Variants in TRIM5 observed in about 807,000 individuals in gnomAD.
The protein encoded by TRIM5 is tripartite motif containing 5.
TRIM5 carries 31 observed loss-of-function variants against 35.6 expected under a neutral mutation model. That is an observed-to-expected ratio of 0.87 (90% CI 0.65 to 1.18). TRIM5 has a LOEUF of 1.18. TRIM5 is among the 50% of genes most tolerant of loss of function. The probability of loss-of-function intolerance (pLI) is 0.00; values close to 1 mark genes in which losing one functional copy is unlikely to be tolerated. For missense variants in TRIM5, 609 were observed against 591.6 expected, an observed-to-expected ratio of 1.03 and a Z score of -0.31; for synonymous variants, 243 against 215.6, an observed-to-expected ratio of 1.13 and a Z score of -1.11.
chr11:5,611,026 A>G, the TRIM5 span: 1 of 1,614,092 alleles, frequency 6.2e-7, no homozygotes, highest in South Asian at 1.1e-5. Flanking sequence ...TCTTTCAACC[A>G]TTTTGCTCAA....
At chr11:5,618,916 A>AGT in the TRIM5 span, among the ~76,000 whole-genome samples, 1 of 152,262 alleles carries the variant, frequency 6.6e-6, no homozygotes, top group Non-Finnish European at 1.5e-5. Flanking sequence ...GGGAAACATC[A>AGT]GTGTAGCATG....
At position 5,664,581 on chromosome 11, in the gene TRIM5, A is replaced by C; in HGVS notation, c.*228T>G. On this transcript the variant is annotated 3_prime_UTR_variant, in exon 8 of 8. Transcript: ENST00000380034. ...TATGAGGTATAGGTCAGTTTTCCTT[A>C]GGAGTACGGAAAATGATGAAAAAAA... 1 of 1,273,442 alleles carries C rather than the reference A, an allele frequency of 7.9e-7. No individual in the cohort carries two copies. Among genetic ancestry groups the C allele is most frequent in the Non-Finnish European group, 9.9e-7 (1 of 1,011,334 alleles). The allele number at this position is 1,273,442 out of a possible 1,614,324, so 78.9% of individuals were successfully genotyped here. A position where few individuals can be genotyped will look rare whatever the true frequency, so the allele number is the denominator to read the frequency against.
the TRIM5 span, among the ~76,000 whole-genome samples, chr11:5,606,363 C>G: frequency 6.6e-6 from 1 of 152,142 alleles, no homozygotes; most frequent in South Asian, 2.1e-4. Context: ...GAAATTCTAG[C>G]AGCTATTTTC....
chr11:5,648,454 C>T, the TRIM5 span, among the ~76,000 whole-genome samples: 3 of 150,884 alleles, frequency 2.0e-5, no homozygotes, highest in Non-Finnish European at 4.4e-5. Context: ...TGCAGTGAGC[C>T]GAGATCGCGC....
downstream of TRIM5, chr11:5,663,061 G>C (rs1002033753): frequency 9.5e-6 from 2 of 209,642 alleles, no homozygotes; most frequent in African/African-American, 4.7e-5. Flanking sequence ...GGAGATGGAG[G>C]TTGCAGTGAG....
chr11:5,610,118 G>T, the TRIM5 span: 1 of 1,613,130 alleles, frequency 6.2e-7, no homozygotes, highest in Non-Finnish European at 8.5e-7. Context: ...CAGCAGTGTG[G>T]GAACTCAGAA....
the TRIM5 span, among the ~76,000 whole-genome samples, chr11:5,640,478 G>C: frequency 6.6e-6 from 1 of 151,068 alleles, no homozygotes; most frequent in African/African-American, 2.5e-5. Flanking sequence ...GCATTTCTGG[G>C]ATAAATTCTA....
At chr11:5,611,548 G>A in the TRIM5 span, 85 of 504,626 alleles carry the variant, frequency 1.7e-4, no homozygotes, top group Non-Finnish European at 2.6e-4. Flanking sequence ...CTGCCTCCTG[G>A]GTTCAAGCGA....
At chr11:5,639,435 C>G in the TRIM5 span, among the ~76,000 whole-genome samples, 1 of 151,980 alleles carries the variant, frequency 6.6e-6, no homozygotes, top group Non-Finnish European at 1.5e-5. Flanking sequence ...AATCCCAGCA[C>G]TTTGGGAGAC....
chr11:5,615,819 C>G, the TRIM5 span, among the ~76,000 whole-genome samples: 1 of 152,054 alleles, frequency 6.6e-6, no homozygotes, highest in Non-Finnish European at 1.5e-5. Flanking sequence ...TCTCGAACTC[C>G]TGACCTCAGG....
Position 5,663,367 on chromosome 11 carries a change from ATG to A in TRIM5, c.*1440_*1441del, listed in dbSNP as rs1359145296. 4.3e-5 allele frequency: 41 copies of A among 961,748 alleles called. No homozygotes were observed. The highest frequency in any genetic ancestry group is 4.9e-5 in the Non-Finnish European group (40 of 808,514). 59.6% of individuals were successfully genotyped at this position (961,748 alleles called of 1,614,324 possible). A position where few individuals can be genotyped will look rare whatever the true frequency, so the allele number is the denominator to read the frequency against. Reference sequence around the variant, plus strand: ...AGAATTACAATAAAATCCTAAATATATGTGTGTATTATATATAGAAGGCAGAA... The same window carrying A: ...AGAATTACAATAAAATCCTAAATATATGTGTATTATATATAGAAGGCAGAA... On this transcript the variant is annotated 3_prime_UTR_variant, in exon 8 of 8. Coordinates refer to ENST00000380034, the MANE Select transcript of TRIM5 (RefSeq NM_033034.3).
intron 4 of TRIM5, among the ~76,000 whole-genome samples, chr11:5,674,207 G>A (rs1851771120): frequency 6.6e-6 from 1 of 152,190 alleles, no homozygotes; most frequent in South Asian, 2.1e-4. Context: ...TGTGTGTGCT[G>A]TAGATAGAAA....
At chr11:5,609,241 C>T in the TRIM5 span, among the ~76,000 whole-genome samples, 1 of 152,118 alleles carries the variant, frequency 6.6e-6, no homozygotes, top group Non-Finnish European at 1.5e-5. Context: ...GGAACCCTAT[C>T]GTCCCTTCTG....
At chr11:5,642,598 G>A in the TRIM5 span, 1 of 1,484,748 alleles carries the variant, frequency 6.7e-7, no homozygotes, top group South Asian at 1.3e-5. Context: ...ATTGAGGACA[G>A]AAGAGAGGAG....
intron 4 of TRIM5, among the ~76,000 whole-genome samples, chr11:5,676,215 C>G (rs1268436015): frequency 6.6e-6 from 1 of 151,786 alleles, no homozygotes; most frequent in Admixed American, 6.6e-5. Context: ...GGGTATATAC[C>G]CAGTAATGGG....
chr11:5,604,766 T>C, the TRIM5 span: 3 of 838,718 alleles, frequency 3.6e-6, no homozygotes, highest in Non-Finnish European at 5.3e-6. Context: ...GGTCCTCCAC[T>C]ATATTCCTTC....
chr11:5,671,697 T>C (rs1218563219), intron 4 of TRIM5, among the ~76,000 whole-genome samples: 1 of 152,066 alleles, frequency 6.6e-6, no homozygotes, highest in African/African-American at 2.4e-5. Context: ...TGTCATAATG[T>C]AGCAATGTAC....
the TRIM5 span, among the ~76,000 whole-genome samples, chr11:5,658,123 G>A: frequency 6.6e-6 from 1 of 152,116 alleles, no homozygotes; most frequent in Non-Finnish European, 1.5e-5. Flanking sequence ...AGATCACCCT[G>A]GCCTGCTATG....
the TRIM5 span, among the ~76,000 whole-genome samples, chr11:5,603,092 T>A: frequency 3.3e-5 from 5 of 152,298 alleles, no homozygotes; most frequent in Non-Finnish European, 5.9e-5. Context: ...TGGTGCCTTG[T>A]ATGAGCCGGG....
Sources: gnomAD v4.1 joint callset for allele counts (sites outside exome capture counted in the v4.1 genomes callset) on GRCh38, gnomAD v4.1.1 for gene constraint, MANE v1.5 for transcripts, NCBI Gene and HGNC (gene_info 2026-07-23, HGNC 2026-07-21) for gene names.